Variants in UGGT2 observed in about 807,000 individuals in gnomAD.
The protein encoded by UGGT2 is UDP-glucose glycoprotein glucosyltransferase 2, also known as UDP-glucose:glycoprotein glucosyltransferase 2.
UGGT2 carries 180 observed loss-of-function variants against 192.1 expected under a neutral mutation model. The ratio of observed to expected loss-of-function variants is 0.94; its 90% CI spans 0.83 to 1.06. The LOEUF (loss-of-function observed/expected upper bound fraction) is 1.06, where lower values mean the gene tolerates loss of function less well. UGGT2 is among the 50% of genes least tolerant of loss of function. UGGT2 has a pLI of 0.00. For synonymous variants in UGGT2, 580 were observed against 591.0 expected, an observed-to-expected ratio of 0.98 and a Z score of 0.27; for missense variants, 1,849 against 1,795.7, an observed-to-expected ratio of 1.03 and a Z score of -0.54.
In UGGT2 at chr13:95,854,409, G is replaced by T. The variant is rs1435860314; in HGVS notation, c.4075C>A (p.Pro1359Thr). The T allele has an allele frequency of 6.2e-7, 1 of 1,613,706 alleles. No individual in the cohort carries two copies. Residue 1359 changes from proline (P) to threonine (T), a missense_variant, in exon 35 of 39, where the codon CCA (proline) becomes ACA (threonine). Coordinates refer to ENST00000376747, the MANE Select transcript of UGGT2 (RefSeq NM_020121.4). ...ATTTCCCTGCGGCTATCACAAAATG[G>T]AGTATACCCATAAGGAGCTCCATCC... ...DLDGAPYGYT[P>T]FCDSRREMDG...
chr13:95,909,802 A>AAAG (rs1353314246), intron 20 of UGGT2, among the ~76,000 whole-genome samples: 1 of 145,776 alleles, frequency 6.9e-6, no homozygotes, highest in Non-Finnish European at 1.5e-5. Context: ...TGCCCACTAA[A>AAAG]AAAAAAAAAA....
At chr13:95,983,727 T>A in intron 10 of UGGT2, 77 bp downstream of exon 10, 3 of 1,093,062 alleles carry the variant, frequency 2.7e-6, no homozygotes, top group Non-Finnish European at 3.9e-6. Flanking sequence ...TCCTTTTTTG[T>A]ATGAATATTG....
chr13:95,866,103 A>T (rs1037616051), intron 30 of UGGT2, among the ~76,000 whole-genome samples: 1 of 152,000 alleles, frequency 6.6e-6, no homozygotes, highest in Non-Finnish European at 1.5e-5. Flanking sequence ...TGCATTTGGT[A>T]TACTTTTTCT....
intron 5 of UGGT2, among the ~76,000 whole-genome samples, chr13:96,006,101 C>G (rs1262705472): frequency 6.6e-6 from 1 of 152,072 alleles, no homozygotes; most frequent in African/African-American, 2.4e-5. Context: ...ATTTCAAAAT[C>G]AGATGTAAAA....
chr13:95,844,406 G>A (rs1888182581), intron 36 of UGGT2, among the ~76,000 whole-genome samples: 1 of 152,096 alleles, frequency 6.6e-6, no homozygotes. Flanking sequence ...ATTAATTTGG[G>A]GAGAAACCAC....
chr13:95,927,405 T>C lies in UGGT2; in HGVS notation c.1978-69A>G, dbSNP rs557776834. 5.7e-5 allele frequency: 76 copies of C among 1,329,398 alleles called. No individual in the cohort carries two copies. In the East Asian group the frequency reaches 1.8e-3, roughly 31 times the overall value. 82.4% of individuals were successfully genotyped at this position (1,329,398 alleles called of 1,614,324 possible). A position where few individuals can be genotyped will look rare whatever the true frequency, so the allele number is the denominator to read the frequency against. ...ATCCATGTTTCAAAAAGTATGCAGA[T>C]AACACAAAGATTACTTAATCAAAAA... On this transcript the variant is annotated intron_variant, in intron 17 of 38. Transcript: ENST00000376747.
In UGGT2 at chr13:96,053,400, C is replaced by A; in HGVS notation, c.-88G>T. 6 of 1,498,232 alleles carry A rather than the reference C, an allele frequency of 4.0e-6. No homozygotes were observed. The highest frequency in any genetic ancestry group is 2.7e-5 in the East Asian group (1 of 37,462). 92.8% of individuals were successfully genotyped at this position (1,498,232 alleles called of 1,614,324 possible). A position where few individuals can be genotyped will look rare whatever the true frequency, so the allele number is the denominator to read the frequency against. On this transcript the variant is annotated 5_prime_UTR_variant, in exon 1 of 39. Transcript: ENST00000376747. ...TCGGCCGGCTCTTCCCGCTGCGCGGCTGCCCACTTCCGGTGGGAGGAGCTC... is the reference window on the plus strand; with the variant it reads ...TCGGCCGGCTCTTCCCGCTGCGCGGATGCCCACTTCCGGTGGGAGGAGCTC...
intron 17 of UGGT2, among the ~76,000 whole-genome samples, chr13:95,932,531 T>C (rs1029218728): frequency 1.3e-5 from 2 of 152,194 alleles, no homozygotes; most frequent in Admixed American, 6.5e-5. Context: ...TGTAGAATCA[T>C]ATCATCAGTG....
intron 38 of UGGT2, among the ~76,000 whole-genome samples, chr13:95,810,161 T>A (rs1415272106): frequency 6.6e-6 from 1 of 152,212 alleles, no homozygotes; most frequent in Admixed American, 6.5e-5. Context: ...GGCTTTCTTC[T>A]CTGCTTCTTG....
intron 30 of UGGT2, among the ~76,000 whole-genome samples, chr13:95,866,120 T>A (rs115782718): frequency 1.6e-3 from 247 of 152,252 alleles, no homozygotes; most frequent in African/African-American, 5.5e-3. Context: ...TTCTGGCCTA[T>A]CTCCCCCAAC....
At chr13:95,874,280 G>A (rs887334897) in intron 29 of UGGT2, among the ~76,000 whole-genome samples, 9 of 152,162 alleles carry the variant, frequency 5.9e-5, no homozygotes, top group Non-Finnish European at 1.0e-4. Flanking sequence ...ACCATGGATA[G>A]TACCGAACCC....
At chr13:95,849,587 T>C (rs903524124) in intron 36 of UGGT2, among the ~76,000 whole-genome samples, 11 of 151,698 alleles carry the variant, frequency 7.3e-5, no homozygotes, top group Non-Finnish European at 4.4e-5. Context: ...AGCATTTAAT[T>C]TTTTATAAAT....
At chr13:95,815,564 T>C (rs1210228715) in intron 38 of UGGT2, among the ~76,000 whole-genome samples, 1 of 152,098 alleles carries the variant, frequency 6.6e-6, no homozygotes, top group Non-Finnish European at 1.5e-5. Context: ...AAGACCAAAA[T>C]AAATCAAGAA....
At chr13:95,916,725 G>T (rs1304139530) in intron 20 of UGGT2, among the ~76,000 whole-genome samples, 1 of 152,120 alleles carries the variant, frequency 6.6e-6, no homozygotes, top group African/African-American at 2.4e-5. Context: ...TGATGGAGCT[G>T]AAAAACACAA....
intron 24 of UGGT2, among the ~76,000 whole-genome samples, chr13:95,893,052 T>A (rs569021588): frequency 1.3e-5 from 2 of 152,312 alleles, no homozygotes; most frequent in Admixed American, 1.3e-4. Flanking sequence ...AATATAGAGA[T>A]CTTTCAGGGC....
intron 7 of UGGT2, 61 bp downstream of exon 7, chr13:95,996,002 A>G: frequency 6.2e-6 from 9 of 1,442,264 alleles, no homozygotes; most frequent in East Asian, 2.3e-5. Flanking sequence ...CAGTATATCA[A>G]ATTAATTCCT....
At chr13:95,920,096 TG>T (rs1566695745) in intron 20 of UGGT2, among the ~76,000 whole-genome samples, 1 of 152,146 alleles carries the variant, frequency 6.6e-6, no homozygotes, top group Admixed American at 6.6e-5. Flanking sequence ...AAGCCAGCAA[TG>T]GGGAAAGGGT....
chr13:95,971,980 G>A (rs1210148634), intron 11 of UGGT2, among the ~76,000 whole-genome samples: 2 of 152,020 alleles, frequency 1.3e-5, no homozygotes, highest in Non-Finnish European at 2.9e-5. Flanking sequence ...TTCATCTAAT[G>A]TTTCAAATAT....
chr13:95,998,516 A>C (rs2051697609), intron 6 of UGGT2, among the ~76,000 whole-genome samples: 1 of 152,216 alleles, frequency 6.6e-6, no homozygotes, highest in Admixed American at 6.5e-5. Context: ...AAGTTGAAGC[A>C]GGAGCCTCAT....
Sources: gnomAD v4.1 joint callset for allele counts (sites outside exome capture counted in the v4.1 genomes callset) on GRCh38, gnomAD v4.1.1 for gene constraint, MANE v1.5 for transcripts, NCBI Gene and HGNC (gene_info 2026-07-23, HGNC 2026-07-21) for gene names.